The following COL4A6 variants were observed in gnomAD, a reference collection of about 807,000 sequenced individuals.
The protein encoded by COL4A6 is collagen type IV alpha 6 chain.
A neutral mutation model predicts 126.7 loss-of-function variants in COL4A6; 59 were observed. The ratio of observed to expected loss-of-function variants is 0.47; its 90% CI spans 0.38 to 0.58. The LOEUF (loss-of-function observed/expected upper bound fraction) is 0.58. Among genes scored for constraint, COL4A6 ranks in the 20% least tolerant of loss-of-function variants. The probability of loss-of-function intolerance (pLI) is 0.00; values close to 1 mark genes in which losing one functional copy is unlikely to be tolerated. For synonymous variants in COL4A6, 547 were observed against 496.6 expected (o/e 1.10, Z -1.35); for missense variants, 1,285 against 1,337.3 (o/e 0.96, Z 0.61).
chrX:108,317,016 C>T lies in COL4A6; in HGVS notation c.64-6188G>A, dbSNP rs983576350. On this transcript the variant is annotated intron_variant, in intron 2 of 44. Transcript: ENST00000334504. The stretch of plus-strand genomic sequence containing the variant: ...TTGATTTACTTTTTAAGGAGGATTA[C>T]TCAAGCTGCCATGTGAACTGTAGTG... 5.3e-5 allele frequency among the ~76,000 whole-genome samples: 6 copies of T among 112,420 alleles called. No individual in the cohort carries two copies. In the Admixed American group the frequency reaches 5.6e-4, roughly 11 times the overall value.
chrX:108,326,675 G>T (rs1339454166), intron 2 of COL4A6, among the ~76,000 whole-genome samples: 1 of 112,425 alleles, frequency 8.9e-6, no homozygotes, highest in African/African-American at 3.2e-5. Flanking sequence ...AGCTGCAGTG[G>T]TAGTCCAGTA....
intron 3 of COL4A6, among the ~76,000 whole-genome samples, chrX:108,287,038 T>A (rs2038024961): frequency 2.7e-5 from 3 of 111,487 alleles, no homozygotes; most frequent in African/African-American, 9.8e-5. Flanking sequence ...GTAGTCTGGG[T>A]CCCTGATGAT....
chrX:108,216,729 G>A (rs2035867520), intron 5 of COL4A6, among the ~76,000 whole-genome samples: 1 of 112,830 alleles, frequency 8.9e-6, no homozygotes, highest in African/African-American at 3.2e-5. Flanking sequence ...CATGGAATAG[G>A]AGGATCTGTT....
intron 2 of COL4A6, among the ~76,000 whole-genome samples, chrX:108,318,366 C>G (rs1188574169): frequency 9.0e-6 from 1 of 111,442 alleles, no homozygotes; most frequent in Non-Finnish European, 1.9e-5. Flanking sequence ...GTTGGAAGTT[C>G]TGGCCAGGGC....
At chrX:108,170,112 C>T in intron 35 of COL4A6, 96 bp from the exon 36 acceptor site, 2 of 740,062 alleles carry the variant, frequency 2.7e-6, no homozygotes, top group African/African-American at 4.2e-5. Context: ...TTGCGAGGTC[C>T]TTATTTTAAA....
At chrX:108,198,266 G>A (rs1282812637) in intron 13 of COL4A6, among the ~76,000 whole-genome samples, 2 of 111,353 alleles carry the variant, frequency 1.8e-5, no homozygotes, top group Non-Finnish European at 3.8e-5. Context: ...GAACAAAACT[G>A]TTGCAAAGGG....
At chrX:108,300,556 T>G (rs1046663118) in intron 3 of COL4A6, among the ~76,000 whole-genome samples, 4 of 111,251 alleles carry the variant, frequency 3.6e-5, no homozygotes, top group Non-Finnish European at 5.7e-5. Flanking sequence ...CAATCCACCC[T>G]GGATAACCCT....
intron 2 of COL4A6, among the ~76,000 whole-genome samples, chrX:108,406,955 A>G (rs1444518238): frequency 8.9e-6 from 1 of 111,934 alleles, no homozygotes; most frequent in East Asian, 2.8e-4. Context: ...AGGAAGAAAG[A>G]AAGGAAGAAA....
chrX:108,366,886 T>G (rs1367813997), intron 2 of COL4A6, among the ~76,000 whole-genome samples: 1 of 112,192 alleles, frequency 8.9e-6, no homozygotes, highest in African/African-American at 3.2e-5. Context: ...GTGTATGACA[T>G]CAGTGTCATT....
chrX:108,195,249 G>A (rs1030969624), intron 14 of COL4A6, 123 bp from the exon 15 acceptor site: 4 of 505,709 alleles, frequency 7.9e-6, no homozygotes, highest in South Asian at 3.7e-5. Flanking sequence ...TCAGGTAAGC[G>A]AATGTTCCTA....
chrX:108,386,832 G>A lies in COL4A6; in HGVS notation c.63+51110C>T, dbSNP rs148263005. Among the ~76,000 whole-genome samples the A allele has an allele frequency of 1.1e-3, 118 of 111,643 alleles. 4 individuals are homozygous for A. The East Asian group carries it at 0.032, about 30-fold the overall frequency. On this transcript the variant is annotated intron_variant, in intron 2 of 44. Coordinates refer to ENST00000334504, the MANE Select transcript of COL4A6 (RefSeq NM_033641.4). ...TGGTATTGCTTAGGCTTTCTTCTAG[G>A]GTTTTTATGGTTTTAGGTCTTATGC...
chrX:108,398,747 T>C (rs2041022363), intron 2 of COL4A6, among the ~76,000 whole-genome samples: 1 of 111,108 alleles, frequency 9.0e-6, no homozygotes, highest in African/African-American at 3.3e-5. Flanking sequence ...GACCCTAGAT[T>C]AAGAACCCAG....
At chrX:108,244,188 G>A (rs1448545978) in intron 3 of COL4A6, among the ~76,000 whole-genome samples, 1 of 108,705 alleles carries the variant, frequency 9.2e-6, no homozygotes, top group Admixed American at 9.9e-5. Flanking sequence ...CACCAAGCAA[G>A]GCTGGGCTGC....
intron 5 of COL4A6, among the ~76,000 whole-genome samples, chrX:108,214,966 G>C (rs1185468760): frequency 8.9e-6 from 1 of 111,906 alleles, no homozygotes; most frequent in Non-Finnish European, 1.9e-5. Context: ...CCCTTTTGTA[G>C]ATAATATACC....
At chrX:108,216,742 A>G (rs1225478116) in intron 5 of COL4A6, among the ~76,000 whole-genome samples, 1 of 112,920 alleles carries the variant, frequency 8.9e-6, no homozygotes, top group Admixed American at 9.3e-5. Flanking sequence ...GATCTGTTGT[A>G]TTCCAGAAAA....
At chrX:108,174,193 T>C (rs1201652054) in intron 31 of COL4A6, among the ~76,000 whole-genome samples, 2 of 110,950 alleles carry the variant, frequency 1.8e-5, no homozygotes, top group African/African-American at 6.6e-5. Flanking sequence ...CAGGCAGATA[T>C]TGGATAATTG....
At chrX:108,360,749 G>A (rs1157219498) in intron 2 of COL4A6, among the ~76,000 whole-genome samples, 2 of 110,319 alleles carry the variant, frequency 1.8e-5, no homozygotes, top group Admixed American at 9.6e-5. Context: ...TGTTGGCCAA[G>A]CTGGTCTCGA....
At chrX:108,276,696 C>T (rs1446648350) in intron 3 of COL4A6, among the ~76,000 whole-genome samples, 3 of 111,538 alleles carry the variant, frequency 2.7e-5, no homozygotes, top group East Asian at 5.7e-4. Context: ...CTCAGGATAA[C>T]CAAAGGCAAC....
intron 2 of COL4A6, among the ~76,000 whole-genome samples, chrX:108,399,836 T>A (rs2041046991): frequency 8.9e-6 from 1 of 111,739 alleles, no homozygotes; most frequent in South Asian, 3.7e-4. Flanking sequence ...TTCCTACTTG[T>A]TTAACATGGA....
Sources: gnomAD v4.1 joint callset for allele counts (sites outside exome capture counted in the v4.1 genomes callset) on GRCh38, gnomAD v4.1.1 for gene constraint, MANE v1.5 for transcripts, NCBI Gene and HGNC (gene_info 2026-07-23, HGNC 2026-07-21) for gene names.